Variants in ZNF77 observed in about 807,000 individuals in gnomAD.
The protein encoded by ZNF77 is ZNFpT1.
In ZNF77, 15 loss-of-function variants were observed where a neutral mutation model predicts 13.5. The observed-to-expected ratio is 1.11, with a 90% confidence interval of 0.74 to 1.71. The LOEUF (loss-of-function observed/expected upper bound fraction) is 1.71. ZNF77 is among the 40% of genes most tolerant of loss of function. The pLI, the probability that ZNF77 is intolerant of heterozygous loss-of-function variation, is 0.00. For synonymous variants in ZNF77, 282 were observed against 250.0 expected, an observed-to-expected ratio of 1.13 and a Z score of -1.21; for missense variants, 717 against 676.4, an observed-to-expected ratio of 1.06 and a Z score of -0.67.
At chr19:2,939,457 G>T (rs376000009) in intron 1 of ZNF77, 50 bp from the exon 2 acceptor site, 3 of 1,603,316 alleles carry the variant, frequency 1.9e-6, no homozygotes, top group Admixed American at 1.7e-5. Flanking sequence ...CCTCCCCCAT[G>T]TGCGCAGGAA....
intron 1 of ZNF77, among the ~76,000 whole-genome samples, chr19:2,940,790 G>A (rs2088442453): frequency 6.6e-6 from 1 of 152,030 alleles, no homozygotes; most frequent in Admixed American, 6.6e-5. Flanking sequence ...GACATGGCCT[G>A]GCTGTCGTTA....
chr19:2,943,457 GC>G (rs910070659), intron 1 of ZNF77, among the ~76,000 whole-genome samples: 2 of 151,616 alleles, frequency 1.3e-5, no homozygotes, highest in Non-Finnish European at 2.9e-5. Flanking sequence ...CTGAACTTTG[GC>G]CCCCCCGAGT....
chr19:2,939,218 G>C (rs113337910), intron 2 of ZNF77, 63 bp downstream of exon 2: 40 of 940,584 alleles, frequency 4.3e-5, no homozygotes, highest in East Asian at 3.3e-4. Flanking sequence ...TACCCAAGGA[G>C]GCAGTGAGGG....
At position 2,933,350 on chromosome 19, in the gene ZNF77, T is replaced by G; in HGVS notation, c.*139A>C. ...CCATATTAATCATAATTAAGAGATT[T>G]CTCTCCTACTCTGAATTTTTAGGTA... On this transcript the variant is annotated 3_prime_UTR_variant, in exon 4 of 4. Coordinates refer to ENST00000314531, the MANE Select transcript of ZNF77 (RefSeq NM_021217.3). The G allele has an allele frequency of 1.0e-6, 1 of 1,002,678 alleles. No individual in the cohort carries two copies. The highest frequency in any genetic ancestry group is 1.4e-6 in the Non-Finnish European group (1 of 704,680). 62.1% of individuals were successfully genotyped at this position (1,002,678 alleles called of 1,614,324 possible).
chr19:2,936,467 G>C, intron 3 of ZNF77, 57 bp downstream of exon 3: 1 of 1,500,730 alleles, frequency 6.7e-7, no homozygotes, highest in South Asian at 1.3e-5. Context: ...TCTTTGAATT[G>C]CAAGTTAGTT....
rs2088372255 is a variant in ZNF77 at position 2,934,143 on chromosome 19, A to C, written c.984T>G (p.His328Gln). ...HTGEKPCQCKHCGKAFTCYSS... is the reference protein window; with the variant it reads ...HTGEKPCQCKQCGKAFTCYSS... The stretch of plus-strand genomic sequence containing the variant: ...AGTAACAAGTGAACGCTTTTCCGCA[A>C]TGTTTACACTGACAGGGTTTCTCTC... The change falls in exon 4 of 4, where the codon CAT (histidine) becomes CAG (glutamine). Residue 328 changes from histidine (H) to glutamine (Q), a missense_variant. His to Gln is a conservative substitution (Grantham distance 24, BLOSUM62 0). Transcript: ENST00000314531. 15 of 1,612,974 alleles carry C rather than the reference A, an allele frequency of 9.3e-6. No individual in the cohort carries two copies. Among genetic ancestry groups the C allele is most frequent in the African/African-American group, 1.3e-5 (1 of 74,520 alleles).
Position 2,936,637 on chromosome 19 carries a change from G to A in ZNF77, c.198C>T (p.Ser66=). 5.0e-6 allele frequency: 8 copies of A among 1,610,034 alleles called. No individual in the cohort carries two copies. The highest frequency in any genetic ancestry group is 6.8e-6 in the Non-Finnish European group (8 of 1,178,936). Residue 66 remains serine (S), a synonymous_variant, in exon 3 of 4, where the codon TCC becomes TCT. Transcript: ENST00000314531. ...SQRDVFGNGI[S]NDEEIVKFTG... is the part of the protein sequence containing the mutation. The stretch of plus-strand genomic sequence containing the variant: ...TGAACTTTACAATCTCTTCATCATT[G>A]GATATTCCATTCCCAAAAACGTCCC...
chr19:2,933,234 A>G lies in ZNF77; in HGVS notation c.*255T>C, dbSNP rs1049744677. On this transcript the variant is annotated 3_prime_UTR_variant, in exon 4 of 4. Coordinates refer to ENST00000314531, the MANE Select transcript of ZNF77 (RefSeq NM_021217.3). ...ATACATAGCTGAAAGCGTACAAAAC[A>G]GGATATTTATTAAATGTTTATATCA... 4.0e-5 allele frequency: 15 copies of G among 378,764 alleles called. No homozygotes were observed. Among genetic ancestry groups the G allele is most frequent in the Non-Finnish European group, 6.1e-5 (13 of 213,658 alleles). The allele number at this position is 378,764 out of a possible 1,614,324, so 23.5% of individuals were successfully genotyped here.
In ZNF77 at chr19:2,936,530, T is replaced by A; in HGVS notation, c.305A>T (p.His102Leu). ...CCGGTTGAGCGCCACTCACCTCAGATGCCTCTGTGGGATTTGGTGCTGATC... is the reference window on the plus strand; with the variant it reads ...CCGGTTGAGCGCCACTCACCTCAGAAGCCTCTGTGGGATTTGGTGCTGATC... ...TGDQHQIPQR[H>L]LRSQLGRLCE... The change falls in exon 3 of 4, where the codon CAT becomes CTT. Residue 102 changes from histidine (H) to leucine (L), a missense_variant. By Grantham distance (99) the His-to-Leu change is moderately conservative. Transcript: ENST00000314531. 6.3e-7 allele frequency: 1 copy of A among 1,596,628 alleles called. No homozygotes were observed. Among genetic ancestry groups the A allele is most frequent in the Non-Finnish European group, 8.5e-7 (1 of 1,174,884 alleles).
In ZNF77 at chr19:2,939,384, C is replaced by G; in HGVS notation, c.27G>C (p.Val9=). 1 of 1,614,182 alleles carries G rather than the reference C, an allele frequency of 6.2e-7. No homozygotes were observed. The highest frequency in any genetic ancestry group is 2.2e-5 in the East Asian group (1 of 44,884). ...ACTCTTCTGGGGTGAAGTTCACAGC[C>G]ACTTCCTCAAAGATCACGCAGTCCT... MDCVIFEE[V]AVNFTPEEWA... The change falls in exon 2 of 4, where the codon GTG becomes GTC. Residue 9 remains valine, a synonymous_variant. Coordinates refer to ENST00000314531, the MANE Select transcript of ZNF77 (RefSeq NM_021217.3).
chr19:2,937,823 G>A (rs2088411315), intron 2 of ZNF77, among the ~76,000 whole-genome samples: 1 of 152,022 alleles, frequency 6.6e-6, no homozygotes, highest in South Asian at 2.1e-4. Context: ...GTGGCACTTT[G>A]TTGGCTCACT....
chr19:2,944,908 G>C lies in ZNF77; in HGVS notation c.-68C>G, dbSNP rs535968955. ...TCCAGCGACCGGCGCAGGTGAGCAC[G>C]ACAGGACACCTGAGCCGCTCGGGGT... On this transcript the variant is annotated 5_prime_UTR_variant, in exon 1 of 4. Coordinates refer to ENST00000314531, the MANE Select transcript of ZNF77 (RefSeq NM_021217.3). 9 of 1,500,156 alleles carry C rather than the reference G, an allele frequency of 6.0e-6. No homozygotes were observed. The highest frequency in any genetic ancestry group is 2.6e-5 in the East Asian group (1 of 38,706). 92.9% of individuals were successfully genotyped at this position (1,500,156 alleles called of 1,614,324 possible).
chr19:2,939,007 ACGCAG>A (rs2088424514), intron 2 of ZNF77, among the ~76,000 whole-genome samples: 2 of 151,552 alleles, frequency 1.3e-5, no homozygotes, highest in East Asian at 3.9e-4. Flanking sequence ...GCTCTCCAGG[ACGCAG>A]TGAGGGAATG....
At chr19:2,943,424 C>G (rs2088467301) in intron 1 of ZNF77, among the ~76,000 whole-genome samples, 1 of 152,076 alleles carries the variant, frequency 6.6e-6, no homozygotes, top group Admixed American at 6.6e-5. Flanking sequence ...CTTTACTCAG[C>G]CTTCTGTCCT....
In ZNF77 at chr19:2,939,042, AGG is replaced by A. The variant is rs1239645623; in HGVS notation, c.130+237_130+238del. Among the ~76,000 whole-genome samples the A allele has an allele frequency of 3.4e-4, 35 of 104,034 alleles. 2 individuals carry two copies. The highest frequency in any genetic ancestry group is 7.5e-4 in the South Asian group (2 of 2,674). 68.3% of individuals were successfully genotyped at this position (104,034 alleles called of 152,430 possible). On this transcript the variant is annotated intron_variant, in intron 2 of 3. Coordinates refer to ENST00000314531, the MANE Select transcript of ZNF77 (RefSeq NM_021217.3). Reference sequence around the variant, plus strand: ...GGAATGATGCCACCCTTACCCAAGGAGGCAGTGAGGGAATGACGCCATCCTTA... The same window carrying A: ...GGAATGATGCCACCCTTACCCAAGGACAGTGAGGGAATGACGCCATCCTTA...
intron 1 of ZNF77, among the ~76,000 whole-genome samples, chr19:2,943,313 C>G (rs1412049086): frequency 6.6e-6 from 1 of 152,072 alleles, no homozygotes; most frequent in Non-Finnish European, 1.5e-5. Context: ...TCCCCCTCCC[C>G]CAATACCTCG....
rs1211709685 is a variant in ZNF77, at chr19:2,938,780, C to T, written c.130+501G>A. On this transcript the variant is annotated intron_variant, in intron 2 of 3. Coordinates refer to ENST00000314531, the MANE Select transcript of ZNF77 (RefSeq NM_021217.3). Reference sequence around the variant, plus strand: ...GACCATCCTGGCTAACACGGTGAAACCCCATCTCTACTAAAGCTACAAAAA... The same window carrying T: ...GACCATCCTGGCTAACACGGTGAAATCCCATCTCTACTAAAGCTACAAAAA... 5.3e-5 allele frequency among the ~76,000 whole-genome samples: 8 copies of T among 152,112 alleles called. No homozygotes were observed. The South Asian group carries it at 1.2e-3, about 24-fold the overall frequency.
intron 2 of ZNF77, among the ~76,000 whole-genome samples, chr19:2,938,950 C>T (rs923568186): frequency 2.7e-5 from 4 of 147,440 alleles, no homozygotes; most frequent in Non-Finnish European, 4.5e-5. Flanking sequence ...AGCAAGACTC[C>T]GTCTCAAAAA....
intron 3 of ZNF77, 91 bp from the exon 4 acceptor site, chr19:2,934,906 T>G (rs1348668673): frequency 1.7e-5 from 25 of 1,478,098 alleles, no homozygotes; most frequent in Middle Eastern, 4.8e-4. Flanking sequence ...GATTACATTA[T>G]TTGCCAATTT....
Sources: gnomAD v4.1 joint callset for allele counts (sites outside exome capture counted in the v4.1 genomes callset) on GRCh38, gnomAD v4.1.1 for gene constraint, MANE v1.5 for transcripts, NCBI Gene and HGNC (gene_info 2026-07-23, HGNC 2026-07-21) for gene names.